The following RBM39 variants were observed in gnomAD, a reference collection of about 807,000 sequenced individuals.
RBM39 encodes the protein RNA-binding protein 39.
RBM39 carries 12 observed loss-of-function variants against 79.6 expected under a neutral mutation model. The observed-to-expected ratio is 0.15, with a 90% CI of 0.10 to 0.24. RBM39 has a LOEUF of 0.24. Among genes scored for constraint, RBM39 ranks in the 10% least tolerant of loss-of-function variants. The pLI, the probability that RBM39 is intolerant of heterozygous loss-of-function variation, is 1.00. For synonymous variants in RBM39, 185 were observed against 208.4 expected (o/e 0.89, Z 0.97); for missense variants, 243 against 653.4 (o/e 0.37, Z 6.85).
At chr20:35,734,998 T>C (rs764768846) in intron 3 of RBM39, 12 of 1,611,144 alleles carry the variant, frequency 7.4e-6, no homozygotes, top group African/African-American at 1.3e-5. Context: ...TTTGGTTATA[T>C]GGCCTCTGCA....
At chr20:35,741,868 G>A (rs1462393901) in intron 1 of RBM39, 73 bp downstream of exon 1, 1 of 158,248 alleles carries the variant, frequency 6.3e-6, no homozygotes, top group Non-Finnish European at 1.4e-5. Flanking sequence ...ACCTCCAAAA[G>A]CGCCCCTCAG....
Sources: allele counts gnomAD v4.1 joint callset, GRCh38; gene constraint gnomAD v4.1.1; transcripts MANE v1.5; gene names NCBI Gene and HGNC (gene_info 2026-07-23, HGNC 2026-07-21).